The following DLGAP2 variants were observed in gnomAD, a reference collection of about 807,000 sequenced individuals.
The protein encoded by DLGAP2 is DLG associated protein 2, also known as disks large-associated protein 2.
In DLGAP2, 26 loss-of-function variants were observed where a neutral mutation model predicts 100.3. The ratio of observed to expected loss-of-function variants is 0.26; its 90% CI spans 0.19 to 0.36. DLGAP2 has a LOEUF of 0.36. Ranked by LOEUF, DLGAP2 falls within the 10% of genes least tolerant of loss-of-function variation. DLGAP2 has a pLI of 1.00. For missense variants in DLGAP2, 1,858 were observed against 1,453.2 expected (o/e 1.28, Z -4.53); for synonymous variants, 886 against 630.1 (o/e 1.41, Z -6.08).
intron 4 of DLGAP2, among the ~76,000 whole-genome samples, chr8:1,517,009 C>A (rs549395960): frequency 1.2e-4 from 19 of 152,146 alleles, no homozygotes; most frequent in Non-Finnish European, 2.5e-4. Flanking sequence ...CCCCAGGGTG[C>A]AGAGGTGAGG....
At chr8:871,201 C>T (rs775134615) in intron 1 of DLGAP2, among the ~76,000 whole-genome samples, 25 of 152,228 alleles carry the variant, frequency 1.6e-4, no homozygotes, top group Admixed American at 3.3e-4. Context: ...CAGAGAAGGC[C>T]GGTTGCAGGC....
At chr8:808,260 T>C (rs975951514) in intron 1 of DLGAP2, among the ~76,000 whole-genome samples, 2 of 152,188 alleles carry the variant, frequency 1.3e-5, no homozygotes, top group African/African-American at 2.4e-5. Context: ...TACATGTGCA[T>C]GTAGCGGTGT....
chr8:905,439 T>A (rs920387301), intron 1 of DLGAP2, among the ~76,000 whole-genome samples: 2 of 152,080 alleles, frequency 1.3e-5, no homozygotes, highest in African/African-American at 4.8e-5. Context: ...AACTGGTGAC[T>A]CTCAAGCGAT....
chr8:1,611,606 G>C (rs1796993037), intron 6 of DLGAP2, among the ~76,000 whole-genome samples: 3 of 20,482 alleles, frequency 1.5e-4, no homozygotes, highest in Non-Finnish European at 2.2e-4. Context: ...AATTGTCCCT[G>C]TTTGCAGATG....
At chr8:1,455,260 C>A (rs545490328) in intron 3 of DLGAP2, among the ~76,000 whole-genome samples, 3 of 152,242 alleles carry the variant, frequency 2.0e-5, no homozygotes, top group Non-Finnish European at 4.4e-5. Flanking sequence ...AGGTGGGTCC[C>A]GCCCATCTCA....
In DLGAP2 at chr8:1,285,267, C is replaced by G. The variant is rs1270310642; in HGVS notation, c.106+26384C>G. Reference sequence around the variant, plus strand: ...AGAGGTCACACATCTCAATATCTACCATATGAATTGTTTGCCATGATTCAT... The same window carrying G: ...AGAGGTCACACATCTCAATATCTACGATATGAATTGTTTGCCATGATTCAT... On this transcript the variant is annotated intron_variant, in intron 3 of 14. Transcript: ENST00000637795. Among the ~76,000 whole-genome samples, 3 of 152,052 alleles carry G rather than the reference C, an allele frequency of 2.0e-5. No homozygotes were observed. The East Asian group carries it at 5.8e-4, about 29-fold the overall frequency.
intron 2 of DLGAP2, among the ~76,000 whole-genome samples, chr8:1,118,990 C>A (rs374299505): frequency 2.6e-5 from 4 of 152,130 alleles, no homozygotes; most frequent in Non-Finnish European, 4.4e-5. Context: ...TTAAGCATAA[C>A]TGTGGAGAAC....
intron 7 of DLGAP2, among the ~76,000 whole-genome samples, chr8:1,632,504 C>A (rs1259354734): frequency 6.6e-6 from 1 of 152,172 alleles, no homozygotes; most frequent in Non-Finnish European, 1.5e-5. Context: ...TTCCTTTGTA[C>A]CAGGTACTTT....
intron 2 of DLGAP2, among the ~76,000 whole-genome samples, chr8:983,352 G>T: frequency 9.1e-6 from 1 of 109,958 alleles, no homozygotes; most frequent in East Asian, 2.6e-4. Flanking sequence ...AGATGTTCTT[G>T]TGTCCCTTAG....
chr8:1,553,872 T>A (rs566266001), intron 5 of DLGAP2, among the ~76,000 whole-genome samples: 1 of 152,326 alleles, frequency 6.6e-6, no homozygotes, highest in African/African-American at 2.4e-5. Flanking sequence ...AAAACACATC[T>A]TAAAAGTCCC....
intron 1 of DLGAP2, among the ~76,000 whole-genome samples, chr8:797,979 T>C (rs975178574): frequency 9.2e-5 from 14 of 152,088 alleles, no homozygotes; most frequent in Non-Finnish European, 2.9e-5. Flanking sequence ...CTCGAACTCC[T>C]GATGTCGTGA....
intron 2 of DLGAP2, among the ~76,000 whole-genome samples, chr8:1,246,377 C>G (rs1033970901): frequency 3.9e-5 from 6 of 152,182 alleles, no homozygotes; most frequent in African/African-American, 1.4e-4. Context: ...GCTTTCCCAT[C>G]TCCAGCTTGG....
intron 2 of DLGAP2, among the ~76,000 whole-genome samples, chr8:1,172,878 T>G (rs1047577156): frequency 3.6e-4 from 55 of 152,210 alleles, no homozygotes; most frequent in Non-Finnish European, 6.2e-4. Context: ...TCTTCTCTCA[T>G]CTCGTCAAAG....
intron 2 of DLGAP2, among the ~76,000 whole-genome samples, chr8:973,795 G>A (rs1447715832): frequency 5.3e-5 from 8 of 151,498 alleles, no homozygotes; most frequent in East Asian, 3.9e-4. Context: ...TCCGGAGCGC[G>A]AATCCGGGGC....
At chr8:1,550,238 G>A (rs1185984406) in intron 5 of DLGAP2, among the ~76,000 whole-genome samples, 4 of 152,136 alleles carry the variant, frequency 2.6e-5, no homozygotes, top group Non-Finnish European at 4.4e-5. Context: ...TGTATGTACC[G>A]CATCTTCTTT....
intron 2 of DLGAP2, among the ~76,000 whole-genome samples, chr8:1,242,321 C>A (rs1043134927): frequency 6.6e-6 from 1 of 152,096 alleles, no homozygotes; most frequent in Non-Finnish European, 1.5e-5. Context: ...GGGCGGGGTT[C>A]TGGAGGATTT....
At chr8:1,444,466 T>G (rs1183966488) in intron 3 of DLGAP2, among the ~76,000 whole-genome samples, 1 of 152,264 alleles carries the variant, frequency 6.6e-6, no homozygotes, top group African/African-American at 2.4e-5. Context: ...TTGTTTTGTT[T>G]GATGTCTTTC....
intron 4 of DLGAP2, among the ~76,000 whole-genome samples, chr8:1,534,792 G>A (rs1402082748): frequency 2.7e-5 from 3 of 112,350 alleles, no homozygotes; most frequent in Admixed American, 8.9e-5. Context: ...ACGTGTGTGA[G>A]TGTAAGTGTG....
intron 3 of DLGAP2, among the ~76,000 whole-genome samples, chr8:1,481,614 G>C (rs1799099378): frequency 6.6e-6 from 1 of 151,456 alleles, no homozygotes; most frequent in Non-Finnish European, 1.5e-5. Context: ...GAATGGCTGG[G>C]ATTACAGGCA....
Sources: gnomAD v4.1 joint callset for allele counts (sites outside exome capture counted in the v4.1 genomes callset) on GRCh38, gnomAD v4.1.1 for gene constraint, MANE v1.5 for transcripts, NCBI Gene and HGNC (gene_info 2026-07-23, HGNC 2026-07-21) for gene names.